The following ARHGAP26 variants were observed in gnomAD, a reference collection of about 807,000 sequenced individuals.
The protein encoded by ARHGAP26 is Rho GTPase activating protein 26.
ARHGAP26 carries 38 observed loss-of-function variants against 104.8 expected under a neutral mutation model. The ratio of observed to expected loss-of-function variants is 0.36; its 90% confidence interval spans 0.28 to 0.48. ARHGAP26 has a LOEUF of 0.48. Among genes scored for constraint, ARHGAP26 ranks in the 20% least tolerant of loss-of-function variants. ARHGAP26 has a pLI of 0.99. For missense variants in ARHGAP26, 704 were observed against 947.9 expected (o/e 0.74, Z 3.38); for synonymous variants, 341 against 340.0 (o/e 1.00, Z -0.03).
At chr5:142,897,556 G>A (rs182917123) in intron 6 of ARHGAP26, among the ~76,000 whole-genome samples, 79 of 152,312 alleles carry the variant, frequency 5.2e-4, no homozygotes, top group Non-Finnish European at 2.8e-4. Context: ...ATTTAAGGGA[G>A]GGGCCCAGTA....
chr5:143,218,869 C>A (rs768049938), intron 22 of ARHGAP26, among the ~76,000 whole-genome samples: 1 of 152,226 alleles, frequency 6.6e-6, no homozygotes, highest in African/African-American at 2.4e-5. Flanking sequence ...GATCAGATGT[C>A]TTGGTCTCTG....
rs1554195691 is a variant in ARHGAP26, at chr5:143,012,562, T to TATATTATGATCATA, written c.1108-1514_1108-1513insTATGATCATAATAT. 2.5e-5 allele frequency among the ~76,000 whole-genome samples: 2 copies of TATATTATGATCATA among 78,582 alleles called. 1 individual carries two copies. Among genetic ancestry groups the TATATTATGATCATA allele is most frequent in the Admixed American group, 3.1e-4 (2 of 6,434 alleles). The allele number at this position is 78,582 out of a possible 152,430, so 51.6% of individuals were successfully genotyped here. A position where few individuals can be genotyped will look rare whatever the true frequency, so the allele number is the denominator to read the frequency against. On this transcript the variant is annotated intron_variant, in intron 11 of 22. Transcript: ENST00000645722. ...TTATATACATACATACATATATATATATATATATATATATTATGATCAGGT... is the reference window on the plus strand; with the variant it reads ...TTATATACATACATACATATATATATATATTATGATCATAATATATATATATATTATGATCAGGT...
At chr5:143,119,957 A>G (rs1795947658) in intron 17 of ARHGAP26, among the ~76,000 whole-genome samples, 1 of 151,992 alleles carries the variant, frequency 6.6e-6, no homozygotes, top group East Asian at 1.9e-4. Flanking sequence ...GAATTGTGTG[A>G]AAAAATACTC....
At chr5:142,877,620 G>T (rs35314) in intron 3 of ARHGAP26, among the ~76,000 whole-genome samples, 8 of 152,192 alleles carry the variant, frequency 5.3e-5, no homozygotes, top group Non-Finnish European at 7.3e-5. Context: ...CTGGGCGAAG[G>T]ACTTGGGGGT....
chr5:143,205,286 C>T (rs1162370816), intron 20 of ARHGAP26, among the ~76,000 whole-genome samples: 1 of 152,062 alleles, frequency 6.6e-6, no homozygotes, highest in African/African-American at 2.4e-5. Context: ...TTGTATTGAA[C>T]ATACTGAGTG....
intron 1 of ARHGAP26, among the ~76,000 whole-genome samples, chr5:142,831,453 C>T (rs148303139): frequency 2.6e-5 from 4 of 152,196 alleles, no homozygotes; most frequent in African/African-American, 4.8e-5. Flanking sequence ...TTTTATCAGC[C>T]GTCTGATTTA....
chr5:142,964,988 C>A (rs955243153), intron 11 of ARHGAP26, among the ~76,000 whole-genome samples: 1 of 152,144 alleles, frequency 6.6e-6, no homozygotes, highest in Non-Finnish European at 1.5e-5. Context: ...GAGTGTGAGT[C>A]ATCTCCAATG....
At chr5:142,880,876 A>G (rs1169484240) in intron 4 of ARHGAP26, among the ~76,000 whole-genome samples, 1 of 151,972 alleles carries the variant, frequency 6.6e-6, no homozygotes, top group Non-Finnish European at 1.5e-5. Context: ...ATGGTTGATT[A>G]CAGTTTGAAA....
chr5:143,174,332 GA>G (rs1803187342), intron 20 of ARHGAP26, among the ~76,000 whole-genome samples: 1 of 152,212 alleles, frequency 6.6e-6, no homozygotes, highest in Admixed American at 6.5e-5. Context: ...TACTGTTAAG[GA>G]AAACAGTCAG....
chr5:142,982,216 T>C (rs1428835073), intron 11 of ARHGAP26, among the ~76,000 whole-genome samples: 1 of 152,224 alleles, frequency 6.6e-6, no homozygotes. Flanking sequence ...GCAAGTTACA[T>C]AAGTTGTTGG....
chr5:143,175,531 A>C (rs2151154782), intron 20 of ARHGAP26, among the ~76,000 whole-genome samples: 1 of 152,222 alleles, frequency 6.6e-6, no homozygotes, highest in Admixed American at 6.5e-5. Flanking sequence ...ACTCGAAAAA[A>C]ATGGTACACT....
chr5:142,784,098 G>A (rs1443760158), intron 1 of ARHGAP26, among the ~76,000 whole-genome samples: 1 of 152,216 alleles, frequency 6.6e-6, no homozygotes, highest in Non-Finnish European at 1.5e-5. Flanking sequence ...TCTGACCGAA[G>A]CTGCCCAGAG....
intron 20 of ARHGAP26, among the ~76,000 whole-genome samples, chr5:143,169,244 G>A (rs538374440): frequency 1.3e-5 from 2 of 152,230 alleles, no homozygotes; most frequent in African/African-American, 4.8e-5. Flanking sequence ...GTCAGCTTGA[G>A]CAGATTTACC....
chr5:142,816,410 G>GT (rs1431551287), intron 1 of ARHGAP26, among the ~76,000 whole-genome samples: 1 of 152,210 alleles, frequency 6.6e-6, no homozygotes, highest in Non-Finnish European at 1.5e-5. Flanking sequence ...GGAGCATCTG[G>GT]TATCATAGAG....
chr5:143,060,916 G>A (rs1216624729), intron 17 of ARHGAP26, among the ~76,000 whole-genome samples: 5 of 152,070 alleles, frequency 3.3e-5, no homozygotes, highest in African/African-American at 1.2e-4. Context: ...GCGAATATTA[G>A]AATTAGAAAG....
At chr5:143,037,285 T>C (rs1562305753) in intron 13 of ARHGAP26, 24 bp downstream of exon 13, 1 of 1,566,708 alleles carries the variant, frequency 6.4e-7, no homozygotes, top group African/African-American at 1.3e-5. Context: ...ACAGATGGCA[T>C]TGTTCTCATA....
chr5:142,974,071 A>G (rs937636252), intron 11 of ARHGAP26, among the ~76,000 whole-genome samples: 4 of 152,084 alleles, frequency 2.6e-5, no homozygotes, highest in Admixed American at 1.3e-4. Flanking sequence ...CTATTTGATC[A>G]GTTCCTTTAA....
At chr5:142,903,908 C>G (rs1360173056) in intron 8 of ARHGAP26, among the ~76,000 whole-genome samples, 2 of 152,050 alleles carry the variant, frequency 1.3e-5, no homozygotes, top group African/African-American at 4.8e-5. Flanking sequence ...TGTGGTTGCT[C>G]TTCTCTCTCT....
intron 12 of ARHGAP26, among the ~76,000 whole-genome samples, chr5:143,032,721 A>G (rs549597113): frequency 3.5e-4 from 53 of 152,348 alleles, no homozygotes; most frequent in Non-Finnish European, 5.9e-4. Flanking sequence ...AGTCCCTATC[A>G]CATTATGGTA....
Sources: allele counts gnomAD v4.1 joint callset (sites outside exome capture counted in the v4.1 genomes callset), GRCh38; gene constraint gnomAD v4.1.1; transcripts MANE v1.5; gene names NCBI Gene and HGNC (gene_info 2026-07-23, HGNC 2026-07-21).